Variants in PTPRG observed in about 807,000 individuals in gnomAD.
PTPRG encodes protein tyrosine phosphatase receptor type G, also known as receptor-type tyrosine-protein phosphatase gamma.
In PTPRG, 102 loss-of-function variants were observed where a neutral mutation model predicts 165.3. The observed-to-expected ratio is 0.62, with a 90% confidence interval of 0.53 to 0.73. PTPRG has a LOEUF of 0.73. Ranked by LOEUF, PTPRG falls within the 30% of genes least tolerant of loss-of-function variation. PTPRG has a pLI of 0.00. For missense variants in PTPRG, 1,866 were observed against 1,861.4 expected (o/e 1.00, Z -0.05); for synonymous variants, 675 against 669.5 (o/e 1.01, Z -0.13).
intron 2 of PTPRG, among the ~76,000 whole-genome samples, chr3:61,872,240 T>C (rs1342926677): frequency 6.6e-6 from 1 of 152,168 alleles, no homozygotes; most frequent in Non-Finnish European, 1.5e-5. Flanking sequence ...AGGTGCAGCG[T>C]TGGGCACCTG....
chr3:62,043,934 T>C (rs1183636714), intron 4 of PTPRG, among the ~76,000 whole-genome samples: 1 of 152,210 alleles, frequency 6.6e-6, no homozygotes, highest in Admixed American at 6.5e-5. Context: ...ATAGTTGGCA[T>C]GTACAGGGAG....
At chr3:61,737,914 GTTT>G (rs376023066) in intron 1 of PTPRG, among the ~76,000 whole-genome samples, 1 of 144,474 alleles carries the variant, frequency 6.9e-6, no homozygotes, top group African/African-American at 2.5e-5. Flanking sequence ...AGGTTTTTTT[GTTT>G]TTTTTTTTTA....
At chr3:61,849,426 G>A (rs2036896905) in intron 2 of PTPRG, among the ~76,000 whole-genome samples, 2 of 152,134 alleles carry the variant, frequency 1.3e-5, no homozygotes, top group South Asian at 4.1e-4. Context: ...TGTAGGTGAT[G>A]AAAAAGAGTG....
intron 15 of PTPRG, among the ~76,000 whole-genome samples, chr3:62,251,305 A>G (rs1701411970): frequency 6.6e-6 from 1 of 152,172 alleles, no homozygotes; most frequent in African/African-American, 2.4e-5. Context: ...GGATTGCTTG[A>G]GGCTAGGAGT....
intron 1 of PTPRG, among the ~76,000 whole-genome samples, chr3:61,590,492 C>T (rs1303400250): frequency 6.6e-6 from 1 of 152,058 alleles, no homozygotes; most frequent in Non-Finnish European, 1.5e-5. Flanking sequence ...CCACTGCACT[C>T]CAGCCTGGGC....
chr3:62,244,274 G>A (rs191231656), intron 15 of PTPRG, among the ~76,000 whole-genome samples: 320 of 152,230 alleles, frequency 2.1e-3, no homozygotes, highest in African/African-American at 7.3e-3. Context: ...TGGTTCTTAC[G>A]ATGGTTGTGT....
intron 1 of PTPRG, among the ~76,000 whole-genome samples, chr3:61,622,889 T>C (rs1575544953): frequency 6.6e-6 from 1 of 152,206 alleles, no homozygotes; most frequent in African/African-American, 2.4e-5. Flanking sequence ...GAAGGTACAT[T>C]TGCACCCTAA....
At chr3:61,844,614 C>T (rs1029922339) in intron 2 of PTPRG, among the ~76,000 whole-genome samples, 42 of 79,866 alleles carry the variant, frequency 5.3e-4, no homozygotes, top group Non-Finnish European at 8.8e-4. Flanking sequence ...CTCAAGTAAT[C>T]CTCCCAAGTT....
chr3:62,113,811 C>A (rs1156327882), intron 5 of PTPRG, among the ~76,000 whole-genome samples: 1 of 152,098 alleles, frequency 6.6e-6, no homozygotes, highest in East Asian at 1.9e-4. Flanking sequence ...TTAGAAGATA[C>A]AGATTTTCCT....
rs1700958594 is a variant in PTPRG at position 62,233,715 on chromosome 3, A to G, written c.2375+2404A>G. On this transcript the variant is annotated intron_variant, in intron 14 of 29. Transcript: ENST00000474889. This position sits in a 1 kb window ranked among gnomAD's most constrained non-coding sequence, Gnocchi z 4.7. ...TGCCCCTGTCATCTCCCTGTCCCAC[A>G]GCAGGAAGGAAGGAGACTGTGCCGC... Among the ~76,000 whole-genome samples the G allele has an allele frequency of 6.6e-6, 1 of 152,198 alleles. No individual in the cohort carries two copies. Among genetic ancestry groups the G allele is most frequent in the South Asian group, 2.1e-4 (1 of 4,828 alleles).
At chr3:62,075,361 G>A (rs927556358) in intron 4 of PTPRG, among the ~76,000 whole-genome samples, 6 of 152,134 alleles carry the variant, frequency 3.9e-5, no homozygotes, top group Non-Finnish European at 8.8e-5. Flanking sequence ...TCTTTCTTGG[G>A]TTAGTAGTAT....
intron 7 of PTPRG, among the ~76,000 whole-genome samples, chr3:62,162,118 T>G (rs1652612831): frequency 6.6e-6 from 1 of 151,276 alleles, no homozygotes; most frequent in Admixed American, 6.9e-5. Context: ...GCCCAAGTCT[T>G]GTGGACAGGA....
intron 5 of PTPRG, among the ~76,000 whole-genome samples, chr3:62,082,136 A>T (rs1433314817): frequency 6.6e-6 from 1 of 152,258 alleles, no homozygotes; most frequent in Non-Finnish European, 1.5e-5. Flanking sequence ...AGGCAAGGCC[A>T]AGTTCTGCAG....
chr3:61,872,626 C>T (rs1454091190), intron 2 of PTPRG, among the ~76,000 whole-genome samples: 1 of 151,934 alleles, frequency 6.6e-6, no homozygotes, highest in Non-Finnish European at 1.5e-5. Flanking sequence ...TTTTCATGAC[C>T]ATTTGTACAG....
At chr3:62,134,469 G>C (rs758147295) in intron 6 of PTPRG, among the ~76,000 whole-genome samples, 43 of 152,290 alleles carry the variant, frequency 2.8e-4, no homozygotes, top group South Asian at 1.2e-3. Context: ...TTGTGCATTT[G>C]CTGTTTCCTC....
intron 4 of PTPRG, among the ~76,000 whole-genome samples, chr3:62,027,327 C>T (rs1559754389): frequency 6.6e-6 from 1 of 152,086 alleles, no homozygotes; most frequent in South Asian, 2.1e-4. Context: ...AGTGGTGTCC[C>T]TTAAACTGAC....
In PTPRG at chr3:61,664,858, A is replaced by T. The variant is rs192807816; in HGVS notation, c.86-84020A>T. Among the ~76,000 whole-genome samples, 10 of 152,280 alleles carry T rather than the reference A, an allele frequency of 6.6e-5. 1 individual carries two copies. In the East Asian group the frequency reaches 1.9e-3, roughly 29 times the overall value. On this transcript the variant is annotated intron_variant, in intron 1 of 29. Coordinates refer to ENST00000474889, the MANE Select transcript of PTPRG (RefSeq NM_002841.4). ...AATAAATAAATAAATAAAAATAAAA[A>T]AAATAAAAAAGCATTTAGGAAGATA... is the stretch of plus-strand genomic sequence containing the variant.
chr3:61,910,930 C>T (rs867201377), intron 2 of PTPRG, among the ~76,000 whole-genome samples: 10 of 152,158 alleles, frequency 6.6e-5, no homozygotes, highest in Admixed American at 6.5e-5. Flanking sequence ...CTCTGGTTGT[C>T]CCCCATTCTT....
At chr3:62,035,318 G>A (rs1275204397) in intron 4 of PTPRG, among the ~76,000 whole-genome samples, 1 of 152,174 alleles carries the variant, frequency 6.6e-6, no homozygotes, top group African/African-American at 2.4e-5. Context: ...AAATGTAAAA[G>A]CCAATCAGAA....
Sources: gnomAD v4.1 joint callset for allele counts (sites outside exome capture counted in the v4.1 genomes callset) on GRCh38, gnomAD v4.1.1 for gene constraint, Gnocchi (gnomAD v3.1) non-coding constraint, MANE v1.5 for transcripts, NCBI Gene and HGNC (gene_info 2026-07-23, HGNC 2026-07-21) for gene names.